RET: variants seen among roughly 807,000 people sequenced by gnomAD.
The protein encoded by RET is proto-oncogene tyrosine-protein kinase receptor Ret.
A neutral mutation model predicts 118.3 loss-of-function variants in RET; 19 were observed. The observed-to-expected ratio is 0.16, with a 90% confidence interval of 0.11 to 0.24. The LOEUF (loss-of-function observed/expected upper bound fraction) is 0.24. Ranked by LOEUF, RET falls within the 10% of genes least tolerant of loss-of-function variation. The pLI is 1.00. For missense variants in RET, 1,219 were observed against 1,502.1 expected, an observed-to-expected ratio of 0.81 and a Z score of 3.12; for synonymous variants, 597 against 644.1, an observed-to-expected ratio of 0.93 and a Z score of 1.11.
In RET at chr10:43,111,239, A is replaced by G. The variant is rs1800860; in HGVS notation, c.1296A>G (p.Ala432=). The change falls in exon 7 of 20, where the codon GCA becomes GCG. Residue 432 remains alanine, a synonymous_variant. Transcript: ENST00000355710. Reference sequence around the variant, plus strand: ...AAGTCTGTGTGGAAAACTGCCAGGCATTCAGTGGCATCAACGTCCAGTACA... The same window carrying G: ...AAGTCTGTGTGGAAAACTGCCAGGCGTTCAGTGGCATCAACGTCCAGTACA... ...IGKVCVENCQ[A]FSGINVQYKL... 0.7 allele frequency: 1,129,685 copies of G among 1,613,918 alleles called. 397,856 individuals are homozygous for G. The highest frequency in any genetic ancestry group is 0.87 in the African/African-American group (64,982 of 75,006).
intron 3 of RET, among the ~76,000 whole-genome samples, chr10:43,104,210 G>C (rs943501179): frequency 6.6e-6 from 1 of 151,840 alleles, no homozygotes; most frequent in Non-Finnish European, 1.5e-5. Flanking sequence ...GATGTCCACT[G>C]TGTTTGTTTT....
intron 1 of RET, among the ~76,000 whole-genome samples, chr10:43,085,747 T>G (rs1837276313): frequency 6.6e-6 from 1 of 152,114 alleles, no homozygotes; most frequent in Non-Finnish European, 1.5e-5. Context: ...GGCATCCCCT[T>G]CCCTGCATGG....
intron 1 of RET, among the ~76,000 whole-genome samples, chr10:43,079,216 C>T (rs1837123275): frequency 6.6e-6 from 1 of 152,206 alleles, no homozygotes; most frequent in Non-Finnish European, 1.5e-5. Context: ...AAGACACACT[C>T]CTGCCCCTTC....
intron 6 of RET, 28 bp from the exon 7 acceptor site, chr10:43,111,179 G>A (rs2132764765): frequency 6.2e-7 from 1 of 1,612,558 alleles, no homozygotes; most frequent in Non-Finnish European, 8.5e-7. Flanking sequence ...CAGCTGCCTG[G>A]CTAAGGTGTT....
intron 5 of RET, 116 bp from the exon 6 acceptor site, chr10:43,108,915 G>T: frequency 1.0e-6 from 1 of 999,598 alleles, no homozygotes; most frequent in Non-Finnish European, 1.6e-6. Context: ...CACTGTATGT[G>T]TGAAAGTGCG....
chr10:43,128,322 T>C lies in RET; in HGVS notation c.*53T>C. The C allele has an allele frequency of 6.2e-7, 1 of 1,600,656 alleles. No homozygotes were observed. Among genetic ancestry groups the C allele is most frequent in the South Asian group, 1.1e-5 (1 of 90,794 alleles). On this transcript the variant is annotated 3_prime_UTR_variant, in exon 20 of 20. Transcript: ENST00000355710. ...ACAAGGGGAAGAAACATGCTGAGAATGGAAAGTCTACCGGCCCTTTCTTTG... is the reference window on the plus strand; with the variant it reads ...ACAAGGGGAAGAAACATGCTGAGAACGGAAAGTCTACCGGCCCTTTCTTTG...
intron 1 of RET, among the ~76,000 whole-genome samples, chr10:43,096,602 C>A (rs1227294034): frequency 6.6e-6 from 1 of 152,156 alleles, no homozygotes. Context: ...TAGCATGCCT[C>A]CCCCACTTCG....
At chr10:43,086,820 A>G (rs1837297961) in intron 1 of RET, among the ~76,000 whole-genome samples, 1 of 152,222 alleles carries the variant, frequency 6.6e-6, no homozygotes, top group Non-Finnish European at 1.5e-5. Context: ...TGGTCTGGGT[A>G]TGGAAGTGTG....
chr10:43,092,888 G>A (rs186428450), intron 1 of RET, among the ~76,000 whole-genome samples: 212 of 152,318 alleles, frequency 1.4e-3, no homozygotes, highest in African/African-American at 4.5e-3. Flanking sequence ...CAGCCTGCCC[G>A]TGGCTCCAGT....
chr10:43,119,468 T>G lies in RET; in HGVS notation c.2393-63T>G, dbSNP rs1588877005. On this transcript the variant is annotated intron_variant, in intron 13 of 19. Transcript: ENST00000355710. ...TGGGGACCCTGCGGCCTCCCACCCCTGGCTCCTGGAAGACCCAAGCTGCCT... is the reference window on the plus strand; with the variant it reads ...TGGGGACCCTGCGGCCTCCCACCCCGGGCTCCTGGAAGACCCAAGCTGCCT... 2.4e-5 allele frequency: 35 copies of G among 1,455,700 alleles called. No homozygotes were observed. In the South Asian group the frequency reaches 4.2e-4, roughly 17 times the overall value. The allele number at this position is 1,455,700 out of a possible 1,614,324, so 90.2% of individuals were successfully genotyped here.
chr10:43,108,124 T>C (rs1214669853), intron 5 of RET, among the ~76,000 whole-genome samples: 1 of 151,482 alleles, frequency 6.6e-6, no homozygotes, highest in Non-Finnish European at 1.5e-5. Context: ...GGCGGGTGGA[T>C]TGTTTGAGTC....
At chr10:43,109,271 G>A (rs985444096) in intron 6 of RET, 41 bp downstream of exon 6, 1 of 1,594,864 alleles carries the variant, frequency 6.3e-7, no homozygotes, top group Non-Finnish European at 8.5e-7. Flanking sequence ...AGATTGAAAG[G>A]CCAAGGGACA....
chr10:43,115,889 G>T (rs1450222811), intron 11 of RET, among the ~76,000 whole-genome samples: 35 of 152,222 alleles, frequency 2.3e-4, no homozygotes, highest in Non-Finnish European at 8.8e-5. Flanking sequence ...GGTTCCCAGG[G>T]AATGTGGGGC....
At chr10:43,123,538 A>G (rs1447744781) in intron 16 of RET, 133 bp from the exon 17 acceptor site, 1 of 1,213,156 alleles carries the variant, frequency 8.2e-7, no homozygotes. Context: ...ACCCAGGCTG[A>G]CATCTGTGAG....
chr10:43,112,483 G>A lies in RET; in HGVS notation c.1648+259G>A, dbSNP rs549423004. ...GTCTGAACCAAAGTTGGGATGTGCT[G>A]GGGACAGAATGGCGTTTTTCTGGGA... On this transcript the variant is annotated intron_variant, in intron 8 of 19. Coordinates refer to ENST00000355710, the MANE Select transcript of RET (RefSeq NM_020975.6). Among the ~76,000 whole-genome samples the A allele has an allele frequency of 9.2e-5, 14 of 152,324 alleles. No homozygotes were observed. In the Middle Eastern group the frequency reaches 0.01, roughly 111 times the overall value.
At position 43,116,565 on chromosome 10, in the gene RET, TC is replaced by T. The variant is rs1409965349; in HGVS notation, c.2137-16del. The T allele has an allele frequency of 1.2e-6, 2 of 1,603,576 alleles. No individual in the cohort carries two copies. Among genetic ancestry groups the T allele is most frequent in the Admixed American group, 3.4e-5 (2 of 59,686 alleles). On this transcript the variant is annotated intron_variant, in intron 11 of 19. Coordinates refer to ENST00000355710, the MANE Select transcript of RET (RefSeq NM_020975.6). ...CACTTTTCCCCCCTCTTCTCCCCCTTCCCTCATTTCCAACATAGGAGGATCC... is the reference window on the plus strand; with the variant it reads ...CACTTTTCCCCCCTCTTCTCCCCCTTCCTCATTTCCAACATAGGAGGATCC...
intron 7 of RET, among the ~76,000 whole-genome samples, 166 bp downstream of exon 7, chr10:43,111,631 C>T (rs1171631496): frequency 6.6e-6 from 1 of 152,244 alleles, no homozygotes; most frequent in Non-Finnish European, 1.5e-5. Flanking sequence ...GTTGCTCCTT[C>T]CAGATAACAT....
At chr10:43,125,272 T>C (rs956419221) in intron 18 of RET, among the ~76,000 whole-genome samples, 2 of 152,092 alleles carry the variant, frequency 1.3e-5, no homozygotes, top group Admixed American at 1.3e-4. Flanking sequence ...CAAAAAGAAA[T>C]AGTTTTCCAT....
chr10:43,113,459 G>T, intron 9 of RET, 97 bp from the exon 10 acceptor site: 5 of 1,405,258 alleles, frequency 3.6e-6, no homozygotes, highest in Non-Finnish European at 4.7e-6. Context: ...TGCGACACCA[G>T]TTGGGGAGGG....
Sources: allele counts gnomAD v4.1 joint callset (sites outside exome capture counted in the v4.1 genomes callset), GRCh38; gene constraint gnomAD v4.1.1; transcripts MANE v1.5; gene names NCBI Gene and HGNC (gene_info 2026-07-23, HGNC 2026-07-21).